Variants in LRP1B observed in about 807,000 individuals in gnomAD.
LRP1B encodes the protein LDL receptor related protein 1B, also known as low-density lipoprotein receptor-related protein 1B.
In LRP1B, 217 loss-of-function variants were observed where a neutral mutation model predicts 556.6. That is an observed-to-expected ratio of 0.39 (90% CI 0.35 to 0.44). The LOEUF (loss-of-function observed/expected upper bound fraction) is 0.44. Among genes scored for constraint, LRP1B ranks in the 20% least tolerant of loss-of-function variants. The pLI is 1.00. For synonymous variants in LRP1B, 2,047 were observed against 1,865.8 expected (o/e 1.10, Z -2.50); for missense variants, 5,053 against 5,620.8 (o/e 0.90, Z 3.23).
intron 1 of LRP1B, among the ~76,000 whole-genome samples, chr2:141,871,783 A>G (rs1250913716): frequency 6.6e-6 from 1 of 152,008 alleles, no homozygotes; most frequent in Non-Finnish European, 1.5e-5. Context: ...GGCCACATAG[A>G]TCTGAATCTC....
chr2:141,683,877 A>G (rs982025950), intron 2 of LRP1B, among the ~76,000 whole-genome samples: 2 of 152,122 alleles, frequency 1.3e-5, no homozygotes, highest in Admixed American at 1.3e-4. Flanking sequence ...AATGCAAATC[A>G]AAGCCACAAT....
At chr2:141,249,573 G>A (rs1307438204) in intron 4 of LRP1B, among the ~76,000 whole-genome samples, 1 of 152,026 alleles carries the variant, frequency 6.6e-6, no homozygotes, top group Non-Finnish European at 1.5e-5. Context: ...TCCAGCCTGG[G>A]TGATAAGGCT....
intron 86 of LRP1B, among the ~76,000 whole-genome samples, chr2:140,250,925 A>G (rs771924331): frequency 6.6e-6 from 1 of 151,660 alleles, no homozygotes; most frequent in Admixed American, 6.6e-5. Flanking sequence ...ATGATCGCTC[A>G]AAAGATAAAA....
intron 6 of LRP1B, among the ~76,000 whole-genome samples, chr2:141,210,845 C>A (rs1682508414): frequency 6.6e-6 from 1 of 152,126 alleles, no homozygotes; most frequent in South Asian, 2.1e-4. Flanking sequence ...TAGTACATCT[C>A]TAATTTCTAC....
At chr2:140,740,716 G>T (rs1688107544) in intron 35 of LRP1B, among the ~76,000 whole-genome samples, 1 of 152,144 alleles carries the variant, frequency 6.6e-6, no homozygotes, top group Non-Finnish European at 1.5e-5. Flanking sequence ...AGATCAAGGT[G>T]TTGGCAGGAT....
chr2:140,659,514 CT>C (rs1247063677), intron 41 of LRP1B, among the ~76,000 whole-genome samples: 1 of 151,980 alleles, frequency 6.6e-6, no homozygotes, highest in East Asian at 1.9e-4. Flanking sequence ...CAAGATGCCC[CT>C]GGTACTCAGG....
chr2:140,233,039 A>T lies in LRP1B; in HGVS notation c.*147T>A. On this transcript the variant is annotated 3_prime_UTR_variant, in exon 91 of 91. Coordinates refer to ENST00000389484, the MANE Select transcript of LRP1B (RefSeq NM_018557.3). The stretch of plus-strand genomic sequence containing the variant: ...ATCAATAGTCATCAGCAAAAAATAA[A>T]ACCCAAAAAACTCAGAAAACAATTA... 2.0e-6 allele frequency: 1 copy of T among 508,390 alleles called. No homozygotes were observed. The allele number at this position is 508,390 out of a possible 1,614,324, so 31.5% of individuals were successfully genotyped here.
Position 141,441,162 on chromosome 2 carries a change from C to T in LRP1B, c.343+39234G>A, listed in dbSNP as rs562604369. 1.7e-4 allele frequency among the ~76,000 whole-genome samples: 26 copies of T among 152,156 alleles called. No individual in the cohort carries two copies. In the East Asian group the frequency reaches 5.0e-3, roughly 29 times the overall value. On this transcript the variant is annotated intron_variant, in intron 3 of 90. Coordinates refer to ENST00000389484, the MANE Select transcript of LRP1B (RefSeq NM_018557.3). ...TACGATCTTGGTTCACTGCAACCTC[C>T]ACCTCCCGGGTTCAAGTGATTCTCC...
chr2:141,237,889 A>T (rs765296137), intron 5 of LRP1B, among the ~76,000 whole-genome samples: 87 of 152,278 alleles, frequency 5.7e-4, no homozygotes, highest in African/African-American at 1.1e-3. Context: ...AGCACGTGGC[A>T]AGTGTTTAGT....
At chr2:140,528,091 A>G (rs1475789004) in intron 47 of LRP1B, among the ~76,000 whole-genome samples, 1 of 151,938 alleles carries the variant, frequency 6.6e-6, no homozygotes, top group Non-Finnish European at 1.5e-5. Context: ...TCCCATAGAG[A>G]ATTCTCTGTC....
rs1429707845 is a variant in LRP1B, at chr2:140,702,197, G to A, written c.6246C>T (p.Ser2082=). ...GGNREMVLSG[S]NVDMFSVAVF... ...CTGCAACTGAAAACATATCCACATT[G>A]CTTCCTGACAGCACCATCTCGCGAT... The change falls in exon 39 of 91, where the codon AGC becomes AGT. Residue 2082 remains serine (S), a synonymous_variant. Transcript: ENST00000389484. The A allele has an allele frequency of 3.1e-6, 5 of 1,613,574 alleles. No homozygotes were observed. The highest frequency in any genetic ancestry group is 4.2e-6 in the Non-Finnish European group (5 of 1,179,792).
chr2:141,270,174 G>A (rs988550201), intron 3 of LRP1B, among the ~76,000 whole-genome samples: 1 of 151,912 alleles, frequency 6.6e-6, no homozygotes, highest in Non-Finnish European at 1.5e-5. Context: ...ATAATCATAT[G>A]TAAAAATAGT....
chr2:140,505,196 C>T (rs546338328), intron 53 of LRP1B, among the ~76,000 whole-genome samples: 1 of 152,292 alleles, frequency 6.6e-6, no homozygotes, highest in South Asian at 2.1e-4. Flanking sequence ...ATTCTCTGAA[C>T]AGTCCTAACA....
intron 2 of LRP1B, among the ~76,000 whole-genome samples, chr2:141,803,769 C>G (rs768201891): frequency 7.2e-5 from 11 of 152,034 alleles, no homozygotes; most frequent in Non-Finnish European, 8.8e-5. Flanking sequence ...AACCTCCCAC[C>G]TGAATTCTAT....
At chr2:140,280,417 A>C (rs900104329) in intron 84 of LRP1B, among the ~76,000 whole-genome samples, 1 of 151,850 alleles carries the variant, frequency 6.6e-6, no homozygotes, top group Non-Finnish European at 1.5e-5. Flanking sequence ...GTCTAGGTAC[A>C]TTGGTCAGTA....
At chr2:141,776,658 G>A (rs1695087233) in intron 2 of LRP1B, among the ~76,000 whole-genome samples, 1 of 152,146 alleles carries the variant, frequency 6.6e-6, no homozygotes, top group Non-Finnish European at 1.5e-5. Context: ...TGGGCATCAG[G>A]ATGATCATGT....
At position 140,593,110 on chromosome 2, in the gene LRP1B, A is replaced by G. The variant is rs1281187758; in HGVS notation, c.7194+5521T>C. 2.0e-5 allele frequency among the ~76,000 whole-genome samples: 3 copies of G among 152,194 alleles called. No homozygotes were observed. The East Asian group carries it at 5.8e-4, about 29-fold the overall frequency. On this transcript the variant is annotated intron_variant, in intron 43 of 90. Coordinates refer to ENST00000389484, the MANE Select transcript of LRP1B (RefSeq NM_018557.3). ...TACTTAAAAGAGTTCATGTAATCAG[A>G]GCATGTTTATTTAGGGGTCAAGTTA... is the stretch of plus-strand genomic sequence containing the variant.
intron 41 of LRP1B, among the ~76,000 whole-genome samples, chr2:140,690,460 T>C (rs1416160389): frequency 2.0e-5 from 3 of 152,196 alleles, no homozygotes; most frequent in Non-Finnish European, 2.9e-5. Flanking sequence ...CTTTTTCTCT[T>C]ATTAACCTTT....
At chr2:141,367,261 G>C (rs971854876) in intron 3 of LRP1B, among the ~76,000 whole-genome samples, 51 of 151,354 alleles carry the variant, frequency 3.4e-4, no homozygotes, top group African/African-American at 1.2e-3. Context: ...TATGTACCTA[G>C]TTAAATATTT....
Sources: gnomAD v4.1 joint callset for allele counts (sites outside exome capture counted in the v4.1 genomes callset) on GRCh38, gnomAD v4.1.1 for gene constraint, MANE v1.5 for transcripts, NCBI Gene and HGNC (gene_info 2026-07-23, HGNC 2026-07-21) for gene names.